BMPER: variants seen among roughly 807,000 people sequenced by gnomAD.
BMPER encodes the protein BMP-binding endothelial regulator protein.
In BMPER, 45 loss-of-function variants were observed where a neutral mutation model predicts 87.3. That is an observed-to-expected ratio of 0.52 (90% CI 0.41 to 0.66). The LOEUF (loss-of-function observed/expected upper bound fraction) is 0.66, where lower values mean the gene tolerates loss of function less well. Ranked by LOEUF, BMPER falls within the 30% of genes least tolerant of loss-of-function variation. BMPER has a pLI of 0.00. For missense variants in BMPER, 784 were observed against 867.5 expected (o/e 0.90, Z 1.21); for synonymous variants, 326 against 316.2 (o/e 1.03, Z -0.33).
At chr7:34,077,116 C>T (rs142969173) in intron 11 of BMPER, among the ~76,000 whole-genome samples, 1,793 of 152,280 alleles carry the variant, frequency 0.012, 23 homozygotes, top group Middle Eastern at 0.048. Flanking sequence ...CTGCCTTGTT[C>T]TCCCTCAACC....
chr7:33,928,783 C>T lies in BMPER; in HGVS notation c.220-8506C>T, dbSNP rs563714439. On this transcript the variant is annotated intron_variant, in intron 2 of 14. Transcript: ENST00000649409. ...ATCAGAAGGGCCTCCTTATTAATCC[C>T]CCATTGCCTCTGCTGGCACGTGTCA... is the stretch of plus-strand genomic sequence containing the variant. Among the ~76,000 whole-genome samples, 9 of 152,004 alleles carry T rather than the reference C, an allele frequency of 5.9e-5. No homozygotes were observed. In the East Asian group the frequency reaches 1.2e-3, roughly 20 times the overall value.
At position 34,062,035 on chromosome 7, in the gene BMPER, A is replaced by G. The variant is rs899820415; in HGVS notation, c.1066A>G (p.Ile356Val). 15 of 1,610,340 alleles carry G rather than the reference A, an allele frequency of 9.3e-6. No homozygotes were observed. In the East Asian group the frequency reaches 2.0e-4, roughly 22 times the overall value. ...KILNRKGCCP[I>V]CTEKPGVCTV... ...TCTCAACAGAAAAGGATGCTGTCCT[A>G]TTTGCACTGAAAGTAAGTTTATTCC... The change falls in exon 11 of 15, where the codon ATT (isoleucine) becomes GTT (valine). Residue 356 changes from isoleucine to valine, a missense_variant. Physicochemically the swap from Ile to Val is conservative, Grantham distance 29. Coordinates refer to ENST00000649409, the MANE Select transcript of BMPER (RefSeq NM_001365308.1).
intron 6 of BMPER, among the ~76,000 whole-genome samples, chr7:34,028,421 A>G (rs190212147): frequency 1.3e-3 from 192 of 152,004 alleles, no homozygotes; most frequent in African/African-American, 4.5e-3. Flanking sequence ...ATCAATCTGT[A>G]GATAAGATAT....
intron 13 of BMPER, among the ~76,000 whole-genome samples, chr7:34,090,790 G>T (rs1352741568): frequency 6.6e-6 from 1 of 152,204 alleles, no homozygotes; most frequent in Non-Finnish European, 1.5e-5. Context: ...AATGTGAAGT[G>T]CAGTGAAGCC....
intron 6 of BMPER, among the ~76,000 whole-genome samples, chr7:33,988,217 G>A (rs1446669442): frequency 6.6e-6 from 1 of 152,130 alleles, no homozygotes; most frequent in East Asian, 1.9e-4. Context: ...CAGTTGGGGT[G>A]ATGAATGTGA....
chr7:34,046,230 G>A, intron 6 of BMPER, 76 bp from the exon 7 acceptor site: 1 of 1,401,478 alleles, frequency 7.1e-7, no homozygotes, highest in Non-Finnish European at 1.0e-6. Context: ...CCTTAGGTTT[G>A]TTCTAGATAT....
intron 6 of BMPER, among the ~76,000 whole-genome samples, chr7:33,989,112 G>A (rs1397279129): frequency 1.8e-4 from 24 of 132,454 alleles, no homozygotes; most frequent in African/African-American, 6.6e-4. Flanking sequence ...ATGATTTATA[G>A]TCCTTTGGGT....
At chr7:34,136,734 G>A (rs759275563) in intron 13 of BMPER, among the ~76,000 whole-genome samples, 9 of 152,234 alleles carry the variant, frequency 5.9e-5, no homozygotes. Context: ...ATTGCTCCCA[G>A]GAAAGCTGAC....
Position 34,058,162 on chromosome 7 carries a change from A to G in BMPER, c.1031A>G (p.Gln344Arg), listed in dbSNP as rs1280147529. 6.8e-6 allele frequency: 11 copies of G among 1,613,418 alleles called. No homozygotes were observed. Among genetic ancestry groups the G allele is most frequent in the Non-Finnish European group, 8.5e-6 (10 of 1,179,364 alleles). ...KQCIPISSCPQGKILNRKGCC... is the reference protein window; with the variant it reads ...KQCIPISSCPRGKILNRKGCC... ...TGCATTCCCATCAGTAGCTGCCCACAGGTATGTTTGGAACACAGATTGACT... is the reference window on the plus strand; with the variant it reads ...TGCATTCCCATCAGTAGCTGCCCACGGGTATGTTTGGAACACAGATTGACT... Residue 344 changes from glutamine to arginine, a missense_variant and splice_region_variant, in exon 10 of 15, where the codon CAG becomes CGG. Coordinates refer to ENST00000649409, the MANE Select transcript of BMPER (RefSeq NM_001365308.1).
At chr7:34,034,050 G>A (rs1250011004) in intron 6 of BMPER, among the ~76,000 whole-genome samples, 4 of 152,030 alleles carry the variant, frequency 2.6e-5, no homozygotes, top group Non-Finnish European at 5.9e-5. Flanking sequence ...TCACAGTTAC[G>A]GAGCTGTGGT....
intron 2 of BMPER, among the ~76,000 whole-genome samples, chr7:33,921,170 C>T (rs1375330277): frequency 6.6e-6 from 1 of 152,172 alleles, no homozygotes; most frequent in Non-Finnish European, 1.5e-5. Flanking sequence ...GGACTTGAAG[C>T]TTCTTCAGGG....
chr7:34,129,622 G>GAGAGAGAGAAAGAAAGAA (rs1790512934), intron 13 of BMPER, among the ~76,000 whole-genome samples: 1 of 67,134 alleles, frequency 1.5e-5, no homozygotes, highest in African/African-American at 6.7e-5. Flanking sequence ...GAGAGAGAGA[G>GAGAGAGAGAAAGAAAGAA]AGAAAGAGAG....
At chr7:34,143,487 G>A in intron 14 of BMPER, 127 bp downstream of exon 14, 2 of 1,403,090 alleles carry the variant, frequency 1.4e-6, no homozygotes, top group Non-Finnish European at 2.0e-6. Flanking sequence ...ATCCCTTCCA[G>A]TAGCCCATCT....
At chr7:34,121,035 A>G (rs1364562690) in intron 13 of BMPER, among the ~76,000 whole-genome samples, 2 of 150,844 alleles carry the variant, frequency 1.3e-5, no homozygotes, top group Non-Finnish European at 3.0e-5. Flanking sequence ...ATATTATTTA[A>G]TTACATAAAT....
At chr7:34,124,035 C>T (rs1348355435) in intron 13 of BMPER, among the ~76,000 whole-genome samples, 2 of 152,142 alleles carry the variant, frequency 1.3e-5, no homozygotes, top group African/African-American at 2.4e-5. Flanking sequence ...TTGCCCTTGT[C>T]CTTTAACTCT....
chr7:34,011,260 G>A (rs995400783), intron 6 of BMPER, among the ~76,000 whole-genome samples: 1 of 151,734 alleles, frequency 6.6e-6, no homozygotes, highest in Non-Finnish European at 1.5e-5. Context: ...CAGTAGGTCT[G>A]GGGTGAGGCC....
intron 3 of BMPER, among the ~76,000 whole-genome samples, chr7:33,963,741 C>T (rs891439585): frequency 4.6e-5 from 7 of 152,070 alleles, no homozygotes; most frequent in Non-Finnish European, 7.4e-5. Context: ...TGCAGTAAGC[C>T]AAGATCGCGC....
At position 33,974,894 on chromosome 7, in the gene BMPER, A is replaced by C. The variant is rs565604519; in HGVS notation, c.576+110A>C. 110 of 1,098,292 alleles carry C rather than the reference A, an allele frequency of 1.0e-4. No homozygotes were observed. The Admixed American group carries it at 1.2e-3, about 12-fold the overall frequency. The allele number at this position is 1,098,292 out of a possible 1,614,324, so 68.0% of individuals were successfully genotyped here. A position where few individuals can be genotyped will look rare whatever the true frequency, so the allele number is the denominator to read the frequency against. ...CCTCTCTCTCGTCTCCTCTCTGGGT[A>C]AAAGTCCGTCCCTCCTGATGTGGAG... is the stretch of plus-strand genomic sequence containing the variant. On this transcript the variant is annotated intron_variant, in intron 6 of 14. Transcript: ENST00000649409.
At chr7:33,967,328 G>A (rs541437979) in intron 4 of BMPER, among the ~76,000 whole-genome samples, 7 of 152,120 alleles carry the variant, frequency 4.6e-5, no homozygotes, top group Non-Finnish European at 1.0e-4. Flanking sequence ...ACCCTATTTC[G>A]TTGTCCAAGG....
Sources: gnomAD v4.1 joint callset for allele counts (sites outside exome capture counted in the v4.1 genomes callset) on GRCh38, gnomAD v4.1.1 for gene constraint, MANE v1.5 for transcripts, NCBI Gene and HGNC (gene_info 2026-07-23, HGNC 2026-07-21) for gene names.